The following NUAK1 variants were observed in gnomAD, a reference collection of about 807,000 sequenced individuals.
NUAK1 encodes the protein NUAK family kinase 1.
NUAK1 carries 26 observed loss-of-function variants against 56.9 expected under a neutral mutation model. The ratio of observed to expected loss-of-function variants is 0.46; its 90% CI spans 0.33 to 0.63. NUAK1 has a LOEUF of 0.63. Ranked by LOEUF, NUAK1 falls within the 30% of genes least tolerant of loss-of-function variation. The pLI is 0.02. For missense variants in NUAK1, 727 were observed against 876.1 expected, an observed-to-expected ratio of 0.83 and a Z score of 2.15; for synonymous variants, 337 against 336.0, an observed-to-expected ratio of 1.00 and a Z score of -0.03.
intron 1 of NUAK1, among the ~76,000 whole-genome samples, chr12:106,114,837 G>A (rs1458294884): frequency 6.6e-6 from 1 of 152,184 alleles, no homozygotes; most frequent in Non-Finnish European, 1.5e-5. Context: ...CCCCAGAACT[G>A]TTGCATCATT....
At chr12:106,096,702 C>T (rs2032699900) in intron 2 of NUAK1, among the ~76,000 whole-genome samples, 2 of 152,184 alleles carry the variant, frequency 1.3e-5, no homozygotes, top group South Asian at 4.1e-4. Context: ...TAAACCCAAG[C>T]CCGAAGGTAT....
intron 6 of NUAK1, among the ~76,000 whole-genome samples, chr12:106,069,811 G>A (rs2032385524): frequency 6.6e-6 from 1 of 152,114 alleles, no homozygotes; most frequent in South Asian, 2.1e-4. Flanking sequence ...ATATATGCGT[G>A]TGTATAGTAT....
At chr12:106,089,760 G>T (rs569674059) in intron 2 of NUAK1, among the ~76,000 whole-genome samples, 1 of 152,278 alleles carries the variant, frequency 6.6e-6, no homozygotes, top group South Asian at 2.1e-4. Flanking sequence ...CTGCACCCCA[G>T]CCTGGGCAAC....
chr12:106,087,836 A>G (rs2032589585), intron 2 of NUAK1, among the ~76,000 whole-genome samples: 1 of 152,194 alleles, frequency 6.6e-6, no homozygotes, highest in African/African-American at 2.4e-5. Flanking sequence ...ACCAGATGAG[A>G]TGGCCTCCCA....
chr12:106,095,054 T>C (rs2032682151), intron 2 of NUAK1, among the ~76,000 whole-genome samples: 1 of 152,116 alleles, frequency 6.6e-6, no homozygotes, highest in African/African-American at 2.4e-5. Flanking sequence ...CACCACAGGC[T>C]CATGATACAC....
chr12:106,081,602 C>G (rs2032518881), intron 4 of NUAK1, among the ~76,000 whole-genome samples: 1 of 152,184 alleles, frequency 6.6e-6, no homozygotes, highest in Non-Finnish European at 1.5e-5. Context: ...ACATCATTGC[C>G]CTTTTGCTTA....
intron 4 of NUAK1, among the ~76,000 whole-genome samples, chr12:106,080,691 T>C (rs2032508261): frequency 1.3e-5 from 2 of 152,304 alleles, no homozygotes; most frequent in South Asian, 4.1e-4. Flanking sequence ...TGCAGCGACA[T>C]GTGACAAGTT....
intron 2 of NUAK1, among the ~76,000 whole-genome samples, chr12:106,101,699 A>G (rs555211659): frequency 6.6e-6 from 1 of 152,308 alleles, no homozygotes; most frequent in Admixed American, 6.5e-5. Context: ...AAACTAATAC[A>G]TCCAGCAAGT....
intron 1 of NUAK1, among the ~76,000 whole-genome samples, chr12:106,110,479 GGCATT>G (rs1228146519): frequency 6.6e-6 from 1 of 152,028 alleles, no homozygotes; most frequent in African/African-American, 2.4e-5. Flanking sequence ...AGACATGCCC[GGCATT>G]GCGGAGGAAA....
intron 6 of NUAK1, among the ~76,000 whole-genome samples, chr12:106,070,272 TAA>T (rs2032392259): frequency 5.3e-5 from 8 of 152,246 alleles, no homozygotes; most frequent in African/African-American, 1.9e-4. Flanking sequence ...CATGGTTGTG[TAA>T]GCCACTGAGT....
intron 1 of NUAK1, among the ~76,000 whole-genome samples, chr12:106,112,025 G>T (rs955797887): frequency 6.6e-6 from 1 of 151,228 alleles, no homozygotes; most frequent in African/African-American, 2.4e-5. Flanking sequence ...TGTAGGATCC[G>T]AAAGGGTCCC....
At chr12:106,129,552 A>G (rs2033056771) in intron 1 of NUAK1, among the ~76,000 whole-genome samples, 2 of 152,128 alleles carry the variant, frequency 1.3e-5, no homozygotes, top group Non-Finnish European at 2.9e-5. Context: ...AGAAGTAAGG[A>G]AGTGGTGGTC....
chr12:106,090,823 C>G (rs529225281), intron 2 of NUAK1, among the ~76,000 whole-genome samples: 1 of 152,308 alleles, frequency 6.6e-6, no homozygotes, highest in South Asian at 2.1e-4. Flanking sequence ...CTAAGACTTT[C>G]CTCTCCCTGC....
At chr12:106,071,706 C>T (rs1394528037) in intron 5 of NUAK1, among the ~76,000 whole-genome samples, 2 of 152,122 alleles carry the variant, frequency 1.3e-5, no homozygotes, top group Non-Finnish European at 2.9e-5. Flanking sequence ...AACAGGTCAT[C>T]GAAGACCAAA....
At chr12:106,069,744 T>C (rs1031198048) in intron 6 of NUAK1, among the ~76,000 whole-genome samples, 3 of 152,180 alleles carry the variant, frequency 2.0e-5, no homozygotes, top group Non-Finnish European at 2.9e-5. Flanking sequence ...TTGTAGAACA[T>C]AACTACTATG....
chr12:106,115,839 G>A (rs1212162780), intron 1 of NUAK1, among the ~76,000 whole-genome samples: 1 of 152,186 alleles, frequency 6.6e-6, no homozygotes, highest in Non-Finnish European at 1.5e-5. Flanking sequence ...CTGGGGCAGG[G>A]GTCTGTGGTC....
At chr12:106,106,319 G>A (rs2032799390) in intron 2 of NUAK1, 86 bp downstream of exon 2, 2 of 1,267,000 alleles carry the variant, frequency 1.6e-6, no homozygotes, top group Non-Finnish European at 2.2e-6. Context: ...CTGCCCAGAA[G>A]GGCAATTATC....
intron 4 of NUAK1, among the ~76,000 whole-genome samples, chr12:106,073,809 T>C (rs894859623): frequency 1.3e-5 from 2 of 151,650 alleles, no homozygotes; most frequent in African/African-American, 4.9e-5. Flanking sequence ...CAAAGCGAGA[T>C]TCAATCTCAA....
At chr12:106,110,015 G>A (rs1006454696) in intron 1 of NUAK1, among the ~76,000 whole-genome samples, 1 of 152,156 alleles carries the variant, frequency 6.6e-6, no homozygotes, top group African/African-American at 2.4e-5. Context: ...TAAAGGACAA[G>A]AGCATCTCCA....
Sources: allele counts gnomAD v4.1 joint callset (sites outside exome capture counted in the v4.1 genomes callset), GRCh38; gene constraint gnomAD v4.1.1; transcripts MANE v1.5; gene names NCBI Gene and HGNC (gene_info 2026-07-23, HGNC 2026-07-21).